CDK14: variants seen among roughly 807,000 people sequenced by gnomAD.
CDK14 encodes cyclin-dependent kinase 14.
Under a neutral mutation model 60.7 loss-of-function variants are expected in CDK14, and 34 were observed. The ratio of observed to expected loss-of-function variants is 0.56; its 90% CI spans 0.43 to 0.75. The LOEUF is 0.75. Among genes scored for constraint, CDK14 ranks in the 30% least tolerant of loss-of-function variants. The pLI is 0.00. For missense variants in CDK14, 482 were observed against 564.1 expected, an observed-to-expected ratio of 0.85 and a Z score of 1.47; for synonymous variants, 197 against 203.7, an observed-to-expected ratio of 0.97 and a Z score of 0.28.
chr7:91,143,299 T>C (rs943936233), intron 14 of CDK14, among the ~76,000 whole-genome samples: 1 of 152,168 alleles, frequency 6.6e-6, no homozygotes. Context: ...GGAAAGAGAA[T>C]GTAGTAAAGA....
intron 14 of CDK14, among the ~76,000 whole-genome samples, chr7:91,178,652 T>C (rs1363635734): frequency 6.6e-6 from 1 of 152,058 alleles, no homozygotes; most frequent in African/African-American, 2.4e-5. Context: ...GCGAAGGACA[T>C]GAACAGACAC....
At chr7:90,863,483 A>G (rs934758098) in intron 6 of CDK14, among the ~76,000 whole-genome samples, 1 of 152,166 alleles carries the variant, frequency 6.6e-6, no homozygotes, top group African/African-American at 2.4e-5. Flanking sequence ...GTTAACTTGA[A>G]TTTTTATCAG....
intron 4 of CDK14, among the ~76,000 whole-genome samples, chr7:90,771,084 T>C (rs190976586): frequency 4.7e-4 from 72 of 152,324 alleles, no homozygotes; most frequent in African/African-American, 1.6e-3. Flanking sequence ...CTGTTAGTAA[T>C]TTTCCATCCA....
rs544965720 is a variant in CDK14 at position 90,703,759 on chromosome 7, A to G, written c.124-22808A>G. Among the ~76,000 whole-genome samples, 179 of 152,300 alleles carry G rather than the reference A, an allele frequency of 1.2e-3. 1 individual carries two copies. Among genetic ancestry groups the G allele is most frequent in the Non-Finnish European group, 1.9e-3 (127 of 68,016 alleles). ...TGAGGGCATACAACCAGGAAACACA[A>G]CATGTAGGGATGAGGACATTTATTT... On this transcript the variant is annotated intron_variant, in intron 2 of 14. Coordinates refer to ENST00000380050, the MANE Select transcript of CDK14 (RefSeq NM_001287135.2).
At chr7:90,817,596 T>G (rs973284372) in intron 5 of CDK14, among the ~76,000 whole-genome samples, 10 of 152,200 alleles carry the variant, frequency 6.6e-5, no homozygotes, top group African/African-American at 2.4e-4. Context: ...TTTTGTTTGT[T>G]TGTTTGTTTT....
chr7:90,825,103 C>T (rs1368489598), intron 5 of CDK14, among the ~76,000 whole-genome samples: 1 of 152,128 alleles, frequency 6.6e-6, no homozygotes, highest in Non-Finnish European at 1.5e-5. Context: ...ACATCTGAAT[C>T]ACTTGAGACC....
At chr7:91,098,429 C>T (rs1008435185) in intron 12 of CDK14, among the ~76,000 whole-genome samples, 12 of 151,110 alleles carry the variant, frequency 7.9e-5, no homozygotes, top group African/African-American at 2.9e-4. Context: ...GGGCGCAGCA[C>T]ACCAACATGG....
chr7:90,598,528 T>C (rs938335244), intron 1 of CDK14, among the ~76,000 whole-genome samples: 3 of 152,150 alleles, frequency 2.0e-5, no homozygotes, highest in Non-Finnish European at 4.4e-5. Context: ...TTCTGAATCG[T>C]AGATCTCATT....
At chr7:90,901,689 T>TATATATAC (rs375384931) in intron 7 of CDK14, among the ~76,000 whole-genome samples, 11 of 150,124 alleles carry the variant, frequency 7.3e-5, no homozygotes, top group Admixed American at 2.0e-4. Context: ...TATATATATA[T>TATATATAC]ACACACACAC....
intron 2 of CDK14, among the ~76,000 whole-genome samples, chr7:90,643,129 A>C (rs1266307400): frequency 6.6e-6 from 1 of 152,228 alleles, no homozygotes; most frequent in African/African-American, 2.4e-5. Context: ...GTACAGCTCA[A>C]AAGATGAGCA....
intron 4 of CDK14, among the ~76,000 whole-genome samples, chr7:90,766,833 C>T (rs1200897991): frequency 6.6e-6 from 1 of 152,126 alleles, no homozygotes; most frequent in Non-Finnish European, 1.5e-5. Context: ...CACTGTCCGC[C>T]TTTATCTTGG....
chr7:90,822,333 G>T (rs1184223228), intron 5 of CDK14, among the ~76,000 whole-genome samples: 4 of 152,216 alleles, frequency 2.6e-5, no homozygotes, highest in Non-Finnish European at 5.9e-5. Flanking sequence ...TTCCCTGAAA[G>T]AATTTCAGAG....
intron 14 of CDK14, among the ~76,000 whole-genome samples, chr7:91,120,963 A>C (rs934930016): frequency 1.9e-4 from 29 of 152,338 alleles, no homozygotes; most frequent in African/African-American, 6.7e-4. Context: ...GGATTCTAAG[A>C]GTTTTCTGTC....
intron 4 of CDK14, among the ~76,000 whole-genome samples, chr7:90,760,912 C>T (rs1229254226): frequency 1.3e-5 from 2 of 152,174 alleles, no homozygotes; most frequent in Non-Finnish European, 2.9e-5. Flanking sequence ...ATAGCCCACC[C>T]ACCAACATCT....
intron 14 of CDK14, among the ~76,000 whole-genome samples, chr7:91,148,517 T>C (rs138007486): frequency 1.3e-4 from 20 of 152,354 alleles, no homozygotes; most frequent in African/African-American, 3.8e-4. Flanking sequence ...ATAGTTAGCA[T>C]TGGTGCCTTA....
chr7:90,968,526 A>G lies in CDK14; in HGVS notation c.947+12709A>G, dbSNP rs1386892906. 2.0e-5 allele frequency among the ~76,000 whole-genome samples: 3 copies of G among 152,180 alleles called. No individual in the cohort carries two copies. In the East Asian group the frequency reaches 5.8e-4, roughly 29 times the overall value. On this transcript the variant is annotated intron_variant, in intron 9 of 14. Transcript: ENST00000380050. ...TCTGTATTTCTGTGTGAGACAATAG[A>G]TTCCAAGAGTGGGATGTTTATATAA... is the stretch of plus-strand genomic sequence containing the variant.
chr7:91,031,739 T>C (rs2115940484), intron 10 of CDK14, among the ~76,000 whole-genome samples: 2 of 152,328 alleles, frequency 1.3e-5, no homozygotes, highest in South Asian at 4.1e-4. Context: ...TTCTCCTTAG[T>C]TAAGGATAAA....
chr7:90,734,106 T>C (rs1228256959), intron 3 of CDK14, among the ~76,000 whole-genome samples: 2 of 152,222 alleles, frequency 1.3e-5, no homozygotes, highest in Non-Finnish European at 2.9e-5. Flanking sequence ...GGGTTGAAAA[T>C]ACTTTCCTTC....
Position 90,649,313 on chromosome 7 carries a change from C to CT in CDK14, c.123+45066dup, listed in dbSNP as rs1563029806. 4.2e-4 allele frequency among the ~76,000 whole-genome samples: 15 copies of CT among 35,642 alleles called. 2 individuals carry two copies. Among genetic ancestry groups the CT allele is most frequent in the Admixed American group, 7.5e-4 (2 of 2,656 alleles). The allele number at this position is 35,642 out of a possible 152,430, so 23.4% of individuals were successfully genotyped here. A position where few individuals can be genotyped will look rare whatever the true frequency, so the allele number is the denominator to read the frequency against. ...CTTTCTTTCTTTCTTTCTTTCTTTC[C>CT]TTCCTTCCTTCCTTCCTTCCTTCCT... On this transcript the variant is annotated intron_variant, in intron 2 of 14. Coordinates refer to ENST00000380050, the MANE Select transcript of CDK14 (RefSeq NM_001287135.2).
Sources: gnomAD v4.1 joint callset for allele counts (sites outside exome capture counted in the v4.1 genomes callset) on GRCh38, gnomAD v4.1.1 for gene constraint, MANE v1.5 for transcripts, NCBI Gene and HGNC (gene_info 2026-07-23, HGNC 2026-07-21) for gene names.